Variants in PRMT8 observed in about 807,000 individuals in gnomAD.
PRMT8 encodes the protein protein arginine N-methyltransferase 8.
A neutral mutation model predicts 47.1 loss-of-function variants in PRMT8; 7 were observed. The observed-to-expected ratio is 0.15, with a 90% CI of 0.08 to 0.28. PRMT8 has a LOEUF of 0.28. PRMT8 is among the 10% of genes least tolerant of loss of function. The pLI is 1.00. For missense variants in PRMT8, 237 were observed against 505.4 expected, an observed-to-expected ratio of 0.47 and a Z score of 5.09; for synonymous variants, 188 against 186.5, an observed-to-expected ratio of 1.01 and a Z score of -0.07.
chr12:3,581,426 G>T (rs1472907092), intron 7 of PRMT8, among the ~76,000 whole-genome samples: 1 of 152,148 alleles, frequency 6.6e-6, no homozygotes, highest in Non-Finnish European at 1.5e-5. Flanking sequence ...GACGTGGACT[G>T]ATCTGCCTGG....
intron 2 of PRMT8, among the ~76,000 whole-genome samples, chr12:3,543,457 C>T (rs1287077915): frequency 6.6e-6 from 1 of 152,214 alleles, no homozygotes; most frequent in Non-Finnish European, 1.5e-5. Flanking sequence ...ATTTCTGCAT[C>T]CATCTGGAGC....
Position 3,557,709 on chromosome 12 carries a change from G to T in PRMT8, c.481+3995G>T, listed in dbSNP as rs917628469. On this transcript the variant is annotated intron_variant, in intron 4 of 9. Coordinates refer to ENST00000382622, the MANE Select transcript of PRMT8 (RefSeq NM_019854.5). This position sits in a 1 kb window ranked among gnomAD's most constrained non-coding sequence, Gnocchi z 4.7. ...GGCAGATGGTTTTCCCCATTAACAG[G>T]TGTGGAAACTGAGGCTAGGAGAGGT... Among the ~76,000 whole-genome samples the T allele has an allele frequency of 1.1e-4, 17 of 152,208 alleles. No individual in the cohort carries two copies. The highest frequency in any genetic ancestry group is 2.5e-4 in the Non-Finnish European group (17 of 68,034).
In PRMT8 at chr12:3,538,722, T is replaced by G. The variant is rs1331258916; in HGVS notation, c.76-1884T>G. The G allele has an allele frequency of 5.8e-6, 3 of 518,928 alleles. No individual in the cohort carries two copies. Among genetic ancestry groups the G allele is most frequent in the Non-Finnish European group, 1.2e-5 (3 of 259,878 alleles). The allele number at this position is 518,928 out of a possible 1,614,324, so 32.1% of individuals were successfully genotyped here. A position where few individuals can be genotyped will look rare whatever the true frequency, so the allele number is the denominator to read the frequency against. Reference sequence around the variant, plus strand: ...CAGCTTTAGAGGTGATTCTGCAGCCTGCACAGGAGTGTGCACTTGACACAG... The same window carrying G: ...CAGCTTTAGAGGTGATTCTGCAGCCGGCACAGGAGTGTGCACTTGACACAG... On this transcript the variant is annotated intron_variant, in intron 1 of 9. Transcript: ENST00000382622. The surrounding 1 kb of genome is among the most constrained non-coding windows in gnomAD (Gnocchi z 4.6).
At chr12:3,396,964 C>T (rs1864256230) in intron 1 of PRMT8, among the ~76,000 whole-genome samples, 1 of 151,882 alleles carries the variant, frequency 6.6e-6, no homozygotes, top group African/African-American at 2.4e-5. Context: ...TCATTCATTT[C>T]ATCTTCCATC....
At chr12:3,513,477 C>T (rs958215064) in intron 1 of PRMT8, among the ~76,000 whole-genome samples, 6 of 152,178 alleles carry the variant, frequency 3.9e-5, no homozygotes, top group South Asian at 2.1e-4. Flanking sequence ...TTTGAGCCTG[C>T]GTAATGACAT....
intron 1 of PRMT8, among the ~76,000 whole-genome samples, chr12:3,429,401 G>C (rs1303931472): frequency 6.6e-6 from 1 of 152,014 alleles, no homozygotes; most frequent in Non-Finnish European, 1.5e-5. Flanking sequence ...TTTCTAGTGG[G>C]GTGGGCCTAC....
chr12:3,518,716 A>C (rs958852479), intron 1 of PRMT8, among the ~76,000 whole-genome samples: 1 of 152,190 alleles, frequency 6.6e-6, no homozygotes, highest in Non-Finnish European at 1.5e-5. Context: ...AAGGGATTCA[A>C]GAGTCCACTC....
At chr12:3,476,378 C>T (rs12829151) in intron 1 of PRMT8, among the ~76,000 whole-genome samples, 10,146 of 152,188 alleles carry the variant, frequency 0.067, 391 homozygotes, top group Middle Eastern at 0.16. Context: ...CTCAGACAGA[C>T]CATTTCTTTC....
At chr12:3,590,422 G>T (rs1867272658) in intron 8 of PRMT8, among the ~76,000 whole-genome samples, 1 of 152,088 alleles carries the variant, frequency 6.6e-6, no homozygotes, top group Non-Finnish European at 1.5e-5. Context: ...CACCTGCCAG[G>T]GTGGACCTCA....
intron 1 of PRMT8, among the ~76,000 whole-genome samples, chr12:3,498,646 G>A (rs1472643992): frequency 1.3e-5 from 2 of 152,134 alleles, no homozygotes; most frequent in Non-Finnish European, 2.9e-5. Flanking sequence ...ACAAAGTATA[G>A]CTCTTCGGAA....
chr12:3,407,723 G>A (rs946442610), intron 1 of PRMT8, among the ~76,000 whole-genome samples: 1 of 152,076 alleles, frequency 6.6e-6, no homozygotes, highest in Non-Finnish European at 1.5e-5. Flanking sequence ...GCCTTTCTCT[G>A]TATCTTCTTC....
chr12:3,487,347 T>A (rs1168837264), upstream of PRMT8, among the ~76,000 whole-genome samples: 1 of 694 alleles, frequency 1.4e-3, no homozygotes, highest in African/African-American at 7.2e-3. Context: ...CCAGGCAGCA[T>A]GGTCCGCAGT....
intron 1 of PRMT8, among the ~76,000 whole-genome samples, chr12:3,429,819 G>A (rs1268359051): frequency 6.6e-6 from 1 of 152,220 alleles, no homozygotes; most frequent in East Asian, 1.9e-4. Flanking sequence ...GGTCCACCGG[G>A]GCAATTGCCT....
chr12:3,455,361 C>A (rs1448373621), intron 1 of PRMT8, among the ~76,000 whole-genome samples: 1 of 152,124 alleles, frequency 6.6e-6, no homozygotes, highest in Non-Finnish European at 1.5e-5. Flanking sequence ...GCCTTCTAGC[C>A]TGGGCTTGGG....
At chr12:3,496,216 T>TATATATATATATATATATATATATATATA (rs34970187) in intron 1 of PRMT8, among the ~76,000 whole-genome samples, 1 of 20,002 alleles carries the variant, frequency 5.0e-5, no homozygotes, top group Non-Finnish European at 7.6e-5. Flanking sequence ...ATATATATAT[T>TATATATATATATATATATATATATATATA]TTTTTTTTTT....
chr12:3,398,483 T>C (rs1368654580), intron 1 of PRMT8, among the ~76,000 whole-genome samples: 1 of 152,214 alleles, frequency 6.6e-6, no homozygotes, highest in African/African-American at 2.4e-5. Context: ...GTTGATCTCA[T>C]ACTTCACAGA....
At position 3,536,504 on chromosome 12, in the gene PRMT8, G is replaced by A. The variant is rs74056115; in HGVS notation, c.76-4102G>A. ...TGAATGACAGCTTATGGGTGCTGGA[G>A]GCCCCTGTGACCTTGACCGTGCACA... On this transcript the variant is annotated intron_variant, in intron 1 of 9. Transcript: ENST00000382622. 7.3e-3 allele frequency among the ~76,000 whole-genome samples: 1,112 copies of A among 152,328 alleles called. 10 individuals carry two copies. The highest frequency in any genetic ancestry group is 0.025 in the African/African-American group (1,021 of 41,566).
At chr12:3,451,919 G>T (rs1364854582) in intron 1 of PRMT8, among the ~76,000 whole-genome samples, 2 of 152,156 alleles carry the variant, frequency 1.3e-5, no homozygotes, top group African/African-American at 4.8e-5. Flanking sequence ...TGGCAGTTGA[G>T]GAGTAGAGAA....
intron 1 of PRMT8, among the ~76,000 whole-genome samples, chr12:3,411,786 T>C (rs1009859479): frequency 6.6e-6 from 1 of 152,228 alleles, no homozygotes; most frequent in African/African-American, 2.4e-5. Flanking sequence ...CCTCTCACCA[T>C]GCTGTGATGC....
Sources: gnomAD v4.1 joint callset for allele counts (sites outside exome capture counted in the v4.1 genomes callset) on GRCh38, gnomAD v4.1.1 for gene constraint, Gnocchi (gnomAD v3.1) non-coding constraint, MANE v1.5 for transcripts, NCBI Gene and HGNC (gene_info 2026-07-23, HGNC 2026-07-21) for gene names.